PLEKHM3: variants seen among roughly 807,000 people sequenced by gnomAD.
PLEKHM3 encodes pleckstrin homology domain-containing family M member 3.
Under a neutral mutation model 81.8 loss-of-function variants are expected in PLEKHM3, and 45 were observed. The ratio of observed to expected loss-of-function variants is 0.55; its 90% CI spans 0.43 to 0.71. PLEKHM3 has a LOEUF of 0.71. PLEKHM3 is among the 30% of genes least tolerant of loss of function. The probability of loss-of-function intolerance (pLI) is 0.00; values close to 1 mark genes in which losing one functional copy is unlikely to be tolerated. For synonymous variants in PLEKHM3, 352 were observed against 356.4 expected (o/e 0.99, Z 0.14); for missense variants, 788 against 924.3 (o/e 0.85, Z 1.91).
In PLEKHM3 at chr2:208,001,445, G is replaced by A; in HGVS notation, c.195C>T (p.Ser65=). 1 of 1,614,140 alleles carries A rather than the reference G, an allele frequency of 6.2e-7. No individual in the cohort carries two copies. The highest frequency in any genetic ancestry group is 1.1e-5 in the South Asian group (1 of 91,078). The change falls in exon 2 of 8, where the codon TCC becomes TCT. Residue 65 remains serine (S), a synonymous_variant. Transcript: ENST00000427836. ...CCCAAATCATGCCCCCCTTGCCCAG[G>A]GAGGTGACATTTCTCATAGCACCAT... ...TDNGAMRNVT[S]LGKGGMIWDH... is the part of the protein sequence containing the mutation.
intron 2 of PLEKHM3, among the ~76,000 whole-genome samples, chr2:207,992,141 G>A (rs957731736): frequency 3.9e-5 from 6 of 152,174 alleles, no homozygotes; most frequent in African/African-American, 1.4e-4. Context: ...TTTTATTTGT[G>A]GTGGAGGGAA....
chr2:208,010,604 G>A (rs573028123), intron 1 of PLEKHM3, among the ~76,000 whole-genome samples: 24 of 152,306 alleles, frequency 1.6e-4, no homozygotes, highest in South Asian at 4.1e-4. Context: ...ACTGCAACAG[G>A]AGTCACAGGT....
At chr2:207,916,075 T>G (rs1688983698) in intron 5 of PLEKHM3, among the ~76,000 whole-genome samples, 2 of 152,204 alleles carry the variant, frequency 1.3e-5, no homozygotes, top group African/African-American at 4.8e-5. Flanking sequence ...AGGCACATAT[T>G]TCGATAGCAG....
intron 3 of PLEKHM3, among the ~76,000 whole-genome samples, chr2:207,959,861 G>T (rs369139988): frequency 6.6e-6 from 1 of 152,056 alleles, no homozygotes. Context: ...GAATTTCTTC[G>T]TTTTCACCCC....
rs759658615 is a variant in PLEKHM3, at chr2:207,976,877, G to A, written c.1320C>T (p.Thr440=). The change falls in exon 3 of 8, where the codon ACC becomes ACT. Residue 440 remains threonine, a synonymous_variant. Coordinates refer to ENST00000427836, the MANE Select transcript of PLEKHM3 (RefSeq NM_001080475.3). The surrounding 1 kb of genome is among the most constrained non-coding windows in gnomAD (Gnocchi z 4.1). ...PQDVLRLRAE[T]RQRAQEWMEA... is the part of the protein sequence containing the mutation. ...CCATCCATTCCTGAGCCCTCTGTCG[G>A]GTCTCAGCTCGGAGGCGAAGGACAT... 2.5e-6 allele frequency: 4 copies of A among 1,614,192 alleles called. No individual in the cohort carries two copies. Among genetic ancestry groups the A allele is most frequent in the Non-Finnish European group, 3.4e-6 (4 of 1,180,040 alleles).
intron 1 of PLEKHM3, among the ~76,000 whole-genome samples, chr2:208,009,086 A>G (rs1692603447): frequency 6.6e-6 from 1 of 152,210 alleles, no homozygotes; most frequent in East Asian, 1.9e-4. Flanking sequence ...TGTTCTGGGC[A>G]CCAGGGAAAC....
chr2:207,889,358 A>G (rs1465708999), intron 6 of PLEKHM3, among the ~76,000 whole-genome samples: 1 of 151,820 alleles, frequency 6.6e-6, no homozygotes. Context: ...TCTTTGGTAG[A>G]TAGGCCACTA....
chr2:207,884,143 C>T (rs1418564176), intron 6 of PLEKHM3, among the ~76,000 whole-genome samples: 3 of 150,782 alleles, frequency 2.0e-5, no homozygotes, highest in African/African-American at 4.9e-5. Context: ...CCACCCCCAC[C>T]CCCCAAAAAA....
At position 207,826,981 on chromosome 2, in the gene PLEKHM3, C is replaced by A. The variant is rs922243663; in HGVS notation, c.*1338G>T. The A allele has an allele frequency of 6.6e-6, 1 of 152,182 alleles. No individual in the cohort carries two copies. The highest frequency in any genetic ancestry group is 2.4e-5 in the African/African-American group (1 of 41,450). The allele number at this position is 152,182 out of a possible 1,614,324, so 9.4% of individuals were successfully genotyped here. A position where few individuals can be genotyped will look rare whatever the true frequency, so the allele number is the denominator to read the frequency against. On this transcript the variant is annotated 3_prime_UTR_variant, in exon 8 of 8. Coordinates refer to ENST00000427836, the MANE Select transcript of PLEKHM3 (RefSeq NM_001080475.3). ...GCCACGTGCTCTTCCAAGGGCACTG[C>A]AGCTGGAGAACACTACCTGCCAAAT...
intron 5 of PLEKHM3, among the ~76,000 whole-genome samples, chr2:207,917,236 A>C (rs969306715): frequency 6.6e-6 from 1 of 152,222 alleles, no homozygotes; most frequent in African/African-American, 2.4e-5. Flanking sequence ...GCAGCTGATG[A>C]AATTTTTAAT....
At chr2:207,937,360 G>A (rs1689789469) in intron 4 of PLEKHM3, among the ~76,000 whole-genome samples, 1 of 152,166 alleles carries the variant, frequency 6.6e-6, no homozygotes, top group Non-Finnish European at 1.5e-5. Flanking sequence ...TAGGCCAGGA[G>A]TTTGAGACCA....
intron 4 of PLEKHM3, among the ~76,000 whole-genome samples, chr2:207,942,368 C>T (rs1435435625): frequency 2.0e-5 from 3 of 151,770 alleles, no homozygotes; most frequent in Admixed American, 6.6e-5. Flanking sequence ...AAAAATTAGT[C>T]GGATGTAGTG....
chr2:207,952,616 G>A (rs1170261280), intron 3 of PLEKHM3, among the ~76,000 whole-genome samples: 1 of 152,182 alleles, frequency 6.6e-6, no homozygotes, highest in Non-Finnish European at 1.5e-5. Flanking sequence ...TTAGCACAAA[G>A]TTGGGCACAG....
chr2:207,912,837 C>T lies in PLEKHM3; in HGVS notation c.1887-4260G>A, dbSNP rs145048525. Among the ~76,000 whole-genome samples, 456 of 152,258 alleles carry T rather than the reference C, an allele frequency of 3.0e-3. 6 individuals are homozygous for T. The highest frequency in any genetic ancestry group is 0.01 in the African/African-American group (435 of 41,546). On this transcript the variant is annotated intron_variant, in intron 5 of 7. Transcript: ENST00000427836. ...TAACTTACGCACACTGCCATTTATT[C>T]CTCTTTCCCCTAAGGCAGACTGAAT...
Position 207,823,565 on chromosome 2 carries a change from G to C in PLEKHM3, c.*4754C>G, listed in dbSNP as rs1266563499. 6.6e-6 allele frequency: 1 copy of C among 152,180 alleles called. No individual in the cohort carries two copies. The highest frequency in any genetic ancestry group is 2.4e-5 in the African/African-American group (1 of 41,430). 9.4% of individuals were successfully genotyped at this position (152,180 alleles called of 1,614,324 possible). ...TGATTCACCCACCTCGGCCTTCAAA[G>C]TGTTGGGATTACAGGCATGAGCCAC... is the stretch of plus-strand genomic sequence containing the variant. On this transcript the variant is annotated 3_prime_UTR_variant, in exon 8 of 8. Transcript: ENST00000427836.
In PLEKHM3 at chr2:207,925,132, G is replaced by GTTTTTTT. The variant is rs202065426; in HGVS notation, c.1886+5787_1886+5793dup. Among the ~76,000 whole-genome samples the GTTTTTTT allele has an allele frequency of 1.4e-5, 2 of 138,520 alleles. 1 individual carries two copies. 90.9% of individuals were successfully genotyped at this position (138,520 alleles called of 152,430 possible). A position where few individuals can be genotyped will look rare whatever the true frequency, so the allele number is the denominator to read the frequency against. On this transcript the variant is annotated intron_variant, in intron 5 of 7. Coordinates refer to ENST00000427836, the MANE Select transcript of PLEKHM3 (RefSeq NM_001080475.3). ...CTTAGGTGGTAGTATGAACAGGGTT[G>GTTTTTTT]TTTTTTTGTTTTTTGTTTTTTTTTT...
At chr2:207,938,087 G>A (rs1388376497) in intron 4 of PLEKHM3, among the ~76,000 whole-genome samples, 3 of 152,200 alleles carry the variant, frequency 2.0e-5, no homozygotes, top group Non-Finnish European at 2.9e-5. Context: ...TAAATGGAAT[G>A]TGAATATTCA....
intron 2 of PLEKHM3, among the ~76,000 whole-genome samples, chr2:207,986,837 A>T (rs967587158): frequency 2.8e-5 from 4 of 145,448 alleles, no homozygotes; most frequent in Non-Finnish European, 6.0e-5. Context: ...ATGCCCAGCT[A>T]ATTTTTTTTT....
intron 6 of PLEKHM3, among the ~76,000 whole-genome samples, chr2:207,866,981 AC>A (rs2092505039): frequency 6.6e-6 from 1 of 152,242 alleles, no homozygotes; most frequent in Non-Finnish European, 1.5e-5. Context: ...GACAATTTTT[AC>A]CCATACAAAT....
Sources: allele counts gnomAD v4.1 joint callset (sites outside exome capture counted in the v4.1 genomes callset), GRCh38; gene constraint gnomAD v4.1.1; non-coding constraint Gnocchi (gnomAD v3.1); transcripts MANE v1.5; gene names NCBI Gene and HGNC (gene_info 2026-07-23, HGNC 2026-07-21).